The following ADAM32 variants were observed in gnomAD, a reference collection of about 807,000 sequenced individuals.
ADAM32 encodes disintegrin and metalloproteinase domain-containing protein 32.
A neutral mutation model predicts 114.9 loss-of-function variants in ADAM32; 89 were observed. The observed-to-expected ratio is 0.77, with a 90% CI of 0.65 to 0.92. The LOEUF is 0.92. Ranked by LOEUF, ADAM32 falls within the 40% of genes least tolerant of loss-of-function variation. ADAM32 has a pLI of 0.00. For missense variants in ADAM32, 870 were observed against 932.8 expected (o/e 0.93, Z 0.88); for synonymous variants, 285 against 307.5 (o/e 0.93, Z 0.77).
intron 11 of ADAM32, among the ~76,000 whole-genome samples, chr8:39,192,559 T>C (rs1253623445): frequency 6.6e-6 from 1 of 152,198 alleles, no homozygotes; most frequent in African/African-American, 2.4e-5. Flanking sequence ...TGCCATCATG[T>C]TGTTAGCTGG....
chr8:39,249,003 C>T (rs1043676039), intron 17 of ADAM32, among the ~76,000 whole-genome samples: 25 of 151,134 alleles, frequency 1.7e-4, no homozygotes, highest in African/African-American at 5.4e-4. Flanking sequence ...CCCAGGTTCA[C>T]GCCATTCTCC....
intron 2 of ADAM32, among the ~76,000 whole-genome samples, chr8:39,135,004 G>C (rs1330680711): frequency 6.6e-6 from 1 of 151,996 alleles, no homozygotes; most frequent in Non-Finnish European, 1.5e-5. Flanking sequence ...AAAAATACAA[G>C]ATTAGCCAGG....
chr8:39,214,054 A>T (rs1001194488), intron 12 of ADAM32, among the ~76,000 whole-genome samples: 1 of 152,156 alleles, frequency 6.6e-6, no homozygotes, highest in African/African-American at 2.4e-5. Flanking sequence ...TCCATTGTGT[A>T]TATGTACCAC....
At chr8:39,139,257 A>G (rs769655778) in intron 3 of ADAM32, among the ~76,000 whole-genome samples, 1 of 152,116 alleles carries the variant, frequency 6.6e-6, no homozygotes, top group Non-Finnish European at 1.5e-5. Flanking sequence ...GCCTATGCCT[A>G]TCTCCTGAAT....
At chr8:39,221,881 G>C (rs192960165) in intron 13 of ADAM32, among the ~76,000 whole-genome samples, 179 bp downstream of exon 13, 2 of 152,018 alleles carry the variant, frequency 1.3e-5, no homozygotes, top group Admixed American at 1.3e-4. Context: ...TGTTCTATAT[G>C]CCAATATTTT....
rs368011960 is a variant in ADAM32, at chr8:39,143,854, G to T, written c.201-3276G>T. Among the ~76,000 whole-genome samples, 8 of 152,330 alleles carry T rather than the reference G, an allele frequency of 5.3e-5. No homozygotes were observed. In the East Asian group the frequency reaches 1.5e-3, roughly 29 times the overall value. Reference sequence around the variant, plus strand: ...TAAAGGTAGTAGGCCTCGCTGAGCTGTGGTGGGGTCTGCCCAGTTCGTGCT... The same window carrying T: ...TAAAGGTAGTAGGCCTCGCTGAGCTTTGGTGGGGTCTGCCCAGTTCGTGCT... On this transcript the variant is annotated intron_variant, in intron 3 of 24. Coordinates refer to ENST00000379907, the MANE Select transcript of ADAM32 (RefSeq NM_145004.7).
At chr8:39,195,443 T>C (rs72640101) in intron 11 of ADAM32, among the ~76,000 whole-genome samples, 6,354 of 152,306 alleles carry the variant, frequency 0.042, 152 homozygotes, top group Middle Eastern at 0.092. Context: ...TTTAATAGAG[T>C]TCCATTAGTC....
chr8:39,195,740 A>G (rs535109167), intron 11 of ADAM32, among the ~76,000 whole-genome samples: 3 of 152,216 alleles, frequency 2.0e-5, no homozygotes, highest in South Asian at 2.1e-4. Flanking sequence ...TTGGCTTTCT[A>G]TTCTGTTTCA....
chr8:39,223,046 C>A lies in ADAM32; in HGVS notation c.1333C>A (p.Gln445Lys). ...ATGTTCTAACTTCTCTTAGATTTTA[C>A]AATCAGGCGTTGAATGTAGGCCGAA... ...GLCCKDCQILQSGVECRPKAH... is the reference protein window; with the variant it reads ...GLCCKDCQILKSGVECRPKAH... The change falls in exon 14 of 25, where the codon CAA becomes AAA. Residue 445 changes from glutamine to lysine, a missense_variant. Coordinates refer to ENST00000379907, the MANE Select transcript of ADAM32 (RefSeq NM_145004.7). The A allele has an allele frequency of 6.4e-7, 1 of 1,569,514 alleles. No individual in the cohort carries two copies. The highest frequency in any genetic ancestry group is 8.6e-7 in the Non-Finnish European group (1 of 1,160,002).
chr8:39,190,765 G>A (rs375186210), intron 11 of ADAM32, among the ~76,000 whole-genome samples: 92 of 152,204 alleles, frequency 6.0e-4, no homozygotes, highest in Admixed American at 5.9e-4. Flanking sequence ...TTGTGTGTGC[G>A]TTTTTAAATT....
At chr8:39,187,665 G>GA (rs79051209) in intron 11 of ADAM32, among the ~76,000 whole-genome samples, 37,507 of 151,806 alleles carry the variant, frequency 0.25, 5,011 homozygotes, top group Non-Finnish European at 0.29. Context: ...TTGATTTTAT[G>GA]AAAAAAACCC....
chr8:39,162,875 C>G (rs1804600976), intron 7 of ADAM32, among the ~76,000 whole-genome samples: 1 of 152,058 alleles, frequency 6.6e-6, no homozygotes, highest in Non-Finnish European at 1.5e-5. Context: ...GTGGTGGACA[C>G]CTGTAGTCCC....
rs75551001 is a variant in ADAM32, at chr8:39,135,294, G to A, written c.139-1363G>A. 1.9e-3 allele frequency among the ~76,000 whole-genome samples: 295 copies of A among 152,302 alleles called. 1 individual carries two copies. The highest frequency in any genetic ancestry group is 6.8e-3 in the African/African-American group (283 of 41,570). ...AGGATGCCCTGCTGTTTCAGGGTTA[G>A]GGTTTTCTCTTTGGTCCTTCTGCCT... is the stretch of plus-strand genomic sequence containing the variant. On this transcript the variant is annotated intron_variant, in intron 2 of 24. Transcript: ENST00000379907.
At chr8:39,220,107 A>C (rs1323063627) in intron 12 of ADAM32, among the ~76,000 whole-genome samples, 1 of 152,126 alleles carries the variant, frequency 6.6e-6, no homozygotes, top group Non-Finnish European at 1.5e-5. Flanking sequence ...AAGTAGTTAG[A>C]ATCTAGGTTC....
At chr8:39,223,323 A>T in intron 14 of ADAM32, 85 bp downstream of exon 14, 1 of 898,082 alleles carries the variant, frequency 1.1e-6, no homozygotes, top group Non-Finnish European at 1.5e-6. Context: ...CATATATATA[A>T]AATGTGGAAT....
chr8:39,169,886 TC>T (rs752748160), intron 9 of ADAM32, 29 bp from the exon 10 acceptor site: 1 of 1,445,184 alleles, frequency 6.9e-7, no homozygotes, highest in South Asian at 1.3e-5. Context: ...TCTGTTAAAA[TC>T]AATTATAAAT....
intron 2 of ADAM32, among the ~76,000 whole-genome samples, chr8:39,123,204 C>T (rs949066366): frequency 3.3e-5 from 5 of 152,150 alleles, no homozygotes; most frequent in African/African-American, 9.7e-5. Context: ...TGCCATTTAT[C>T]TAGCTGGCTT....
chr8:39,253,916 TAA>T lies in ADAM32; in HGVS notation c.1903-497_1903-496del, dbSNP rs569497607. On this transcript the variant is annotated intron_variant, in intron 17 of 24. Transcript: ENST00000379907. Reference sequence around the variant, plus strand: ...AGAAATAGAAAATAAAAAAATTATATAAGATGAAAAAAATCCAGATAATTAGA... The same window carrying T: ...AGAAATAGAAAATAAAAAAATTATATGATGAAAAAAATCCAGATAATTAGA... 6.6e-5 allele frequency among the ~76,000 whole-genome samples: 10 copies of T among 151,416 alleles called. No homozygotes were observed. In the South Asian group the frequency reaches 1.9e-3, roughly 28 times the overall value.
intron 21 of ADAM32, among the ~76,000 whole-genome samples, chr8:39,275,135 C>T (rs1174668581): frequency 6.6e-6 from 1 of 152,208 alleles, no homozygotes; most frequent in East Asian, 1.9e-4. Context: ...CTTTTACTAT[C>T]CCCATTTCAT....
Sources: allele counts gnomAD v4.1 joint callset (sites outside exome capture counted in the v4.1 genomes callset), GRCh38; gene constraint gnomAD v4.1.1; transcripts MANE v1.5; gene names NCBI Gene and HGNC (gene_info 2026-07-23, HGNC 2026-07-21).